Variants in NPAT observed in about 807,000 individuals in gnomAD.
NPAT encodes the protein nuclear protein, coactivator of histone transcription.
In NPAT, 52 loss-of-function variants were observed where a neutral mutation model predicts 130.7. The observed-to-expected ratio is 0.40, with a 90% CI of 0.32 to 0.50. The LOEUF (loss-of-function observed/expected upper bound fraction) is 0.50, where lower values mean the gene tolerates loss of function less well. Among genes scored for constraint, NPAT ranks in the 20% least tolerant of loss-of-function variants. NPAT has a pLI of 0.68. For synonymous variants in NPAT, 580 were observed against 584.8 expected (o/e 0.99, Z 0.12); for missense variants, 1,687 against 1,662.6 (o/e 1.01, Z -0.26).
chr11:108,206,837 C>T (rs2078330219), intron 1 of NPAT, among the ~76,000 whole-genome samples: 1 of 152,222 alleles, frequency 6.6e-6, no homozygotes, highest in African/African-American at 2.4e-5. Flanking sequence ...AGTGACAGAA[C>T]AGCCCTCAGG....
At chr11:108,203,259 T>C (rs768547667) in intron 1 of NPAT, among the ~76,000 whole-genome samples, 2 of 152,204 alleles carry the variant, frequency 1.3e-5, no homozygotes, top group Non-Finnish European at 2.9e-5. Flanking sequence ...TATAACATCT[T>C]TGGCCCATTT....
chr11:108,208,762 G>A (rs548456394), intron 1 of NPAT, among the ~76,000 whole-genome samples: 20 of 152,202 alleles, frequency 1.3e-4, no homozygotes, highest in Middle Eastern at 3.4e-3. Context: ...CTAGGCAGAA[G>A]ATCAATAAAC....
At chr11:108,193,909 A>G (rs1236323990) in intron 3 of NPAT, 48 bp downstream of exon 3, 7 of 1,089,728 alleles carry the variant, frequency 6.4e-6, no homozygotes, top group South Asian at 1.3e-5. Context: ...AATCAAGTAG[A>G]TAAATATTGT....
intron 3 of NPAT, 91 bp from the exon 4 acceptor site, chr11:108,192,281 T>G: frequency 1.2e-6 from 1 of 833,368 alleles, no homozygotes; most frequent in Non-Finnish European, 2.1e-6. Flanking sequence ...ACCTTGTCTC[T>G]CAATTATTGA....
intron 10 of NPAT, among the ~76,000 whole-genome samples, chr11:108,184,298 C>T (rs982508996): frequency 6.6e-6 from 1 of 151,690 alleles, no homozygotes; most frequent in African/African-American, 2.4e-5. Context: ...GGTGAAACCC[C>T]GTCTCTACTA....
rs35095430 is a variant in NPAT at position 108,173,161 on chromosome 11, A to G, written c.1823T>C (p.Val608Ala). The G allele has an allele frequency of 4.1e-3, 6,633 of 1,613,772 alleles. 239 individuals carry two copies. The African/African-American group carries it at 0.076, about 18-fold the overall frequency. Residue 608 changes from valine (V) to alanine (A), a missense_variant, in exon 13 of 18, where the codon GTG (valine) becomes GCG (alanine). Around this residue, in one of 3 missense-constraint regions of NPAT, gnomAD observed 1,379 missense variants for 1,346.6 expected, o/e 1.02. Transcript: ENST00000278612. Reference sequence around the variant, plus strand: ...ATTTAAATGTGAACTTTCAACAGACACAGGTAGTATTTCACTTTGAAGACA... The same window carrying G: ...ATTTAAATGTGAACTTTCAACAGACGCAGGTAGTATTTCACTTTGAAGACA... ...NSCLQSEILP[V>A]SVESSHLNVS...
chr11:108,161,849 T>C lies in NPAT; in HGVS notation c.3237A>G (p.Pro1079=), dbSNP rs2077854138. Residue 1079 remains proline, a synonymous_variant, in exon 17 of 18, where the codon CCA becomes CCG. Coordinates refer to ENST00000278612, the MANE Select transcript of NPAT (RefSeq NM_002519.3). ...TGTTTTGGGACACCATCTTATGGTTTGGCCCCTGCGTATTTGCCACAGGAG... is the reference window on the plus strand; with the variant it reads ...TGTTTTGGGACACCATCTTATGGTTCGGCCCCTGCGTATTTGCCACAGGAG... ...TTAPVANTQG[P]NHKMVSQNKE... is the part of the protein sequence containing the mutation. 1 of 1,614,046 alleles carries C rather than the reference T, an allele frequency of 6.2e-7. No individual in the cohort carries two copies. The highest frequency in any genetic ancestry group is 1.3e-5 in the African/African-American group (1 of 74,930).
rs577721159 is a variant in NPAT, at chr11:108,206,534, C to G, written c.38-9114G>C. On this transcript the variant is annotated intron_variant, in intron 1 of 17. Coordinates refer to ENST00000278612, the MANE Select transcript of NPAT (RefSeq NM_002519.3). ...ACCACAGTGGCTTCCACTGTGGGTACTGGGGAACGTAGTGGCACCCTGAAG... is the reference window on the plus strand; with the variant it reads ...ACCACAGTGGCTTCCACTGTGGGTAGTGGGGAACGTAGTGGCACCCTGAAG... 7.2e-4 allele frequency among the ~76,000 whole-genome samples: 109 copies of G among 152,262 alleles called. 1 individual carries two copies. The highest frequency in any genetic ancestry group is 2.5e-3 in the African/African-American group (103 of 41,552).
intron 10 of NPAT, among the ~76,000 whole-genome samples, chr11:108,184,400 A>G (rs780359947): frequency 6.6e-6 from 1 of 151,458 alleles, no homozygotes; most frequent in African/African-American, 2.4e-5. Context: ...TGAACCTGGG[A>G]GGCAGAGCTT....
intron 15 of NPAT, among the ~76,000 whole-genome samples, chr11:108,162,701 G>C (rs1330027943): frequency 6.6e-6 from 1 of 152,186 alleles, no homozygotes; most frequent in Non-Finnish European, 1.5e-5. Context: ...CAAAAGGCTG[G>C]ATTATAGGCG....
At position 108,218,499 on chromosome 11, in the gene NPAT, C is replaced by T. The variant is rs945712179; in HGVS notation, c.37+4001G>A. Among the ~76,000 whole-genome samples the T allele has an allele frequency of 1.2e-4, 18 of 152,156 alleles. 1 individual carries two copies. Among genetic ancestry groups the T allele is most frequent in the Middle Eastern group, 6.8e-3 (2 of 294 alleles). ...AGCATGCAAATAATTCTTAGGAAGC[C>T]GTACCTTATGTTGTCTTATATTACT... On this transcript the variant is annotated intron_variant, in intron 1 of 17. Transcript: ENST00000278612.
chr11:108,187,532 G>C (rs1165957648), intron 7 of NPAT, among the ~76,000 whole-genome samples: 5 of 152,144 alleles, frequency 3.3e-5, no homozygotes, highest in African/African-American at 9.7e-5. Context: ...GGCTAACTAA[G>C]GTCAGTCTTG....
chr11:108,217,149 AATT>A (rs2078442553), intron 1 of NPAT, among the ~76,000 whole-genome samples: 1 of 152,180 alleles, frequency 6.6e-6, no homozygotes, highest in Admixed American at 6.5e-5. Flanking sequence ...GGTGTGTCTA[AATT>A]ATTACAGTGT....
At chr11:108,171,486 G>GT (rs372887453) in intron 13 of NPAT, 1,639 of 132,130 alleles carry the variant, frequency 0.012, 8 homozygotes, top group South Asian at 0.06. Flanking sequence ...AGAAATTCAA[G>GT]TTTTTTTTTT....
At chr11:108,214,679 CT>C (rs891156120) in intron 1 of NPAT, among the ~76,000 whole-genome samples, 57 of 147,654 alleles carry the variant, frequency 3.9e-4, no homozygotes, top group Non-Finnish European at 7.1e-4. Flanking sequence ...GTCACCTGTG[CT>C]GGAGTGCAAT....
At chr11:108,208,443 C>T (rs1485701522) in intron 1 of NPAT, 4 of 455,830 alleles carry the variant, frequency 8.8e-6, no homozygotes, top group Non-Finnish European at 8.8e-6. Context: ...TAGAAATTAG[C>T]TGGGCTTGGT....
At position 108,190,610 on chromosome 11, in the gene NPAT, ATC is replaced by A. The variant is rs370652163; in HGVS notation, c.291-112_291-111del. ...TTAGTTATGAGGTAAAAGGCAAAAA[ATC>A]TCTCTCAGACAAAAAAGACAAACAC... On this transcript the variant is annotated intron_variant, in intron 4 of 17. Coordinates refer to ENST00000278612, the MANE Select transcript of NPAT (RefSeq NM_002519.3). The A allele has an allele frequency of 2.1e-3, 1,891 of 914,888 alleles. 10 individuals carry two copies. The highest frequency in any genetic ancestry group is 0.016 in the African/African-American group (998 of 60,790). 56.7% of individuals were successfully genotyped at this position (914,888 alleles called of 1,614,324 possible).
At chr11:108,180,121 G>C (rs977976917) in intron 10 of NPAT, among the ~76,000 whole-genome samples, 7 of 152,254 alleles carry the variant, frequency 4.6e-5, no homozygotes, top group African/African-American at 1.7e-4. Flanking sequence ...GAGCCCAGGA[G>C]TTCTAGATCA....
chr11:108,220,963 TTAAGA>T (rs1207451276), intron 1 of NPAT, among the ~76,000 whole-genome samples: 6 of 152,182 alleles, frequency 3.9e-5, no homozygotes, highest in African/African-American at 7.2e-5. Context: ...ACAAAGATTT[TTAAGA>T]TAAGAAAACC....
Sources: gnomAD v4.1 joint callset for allele counts (sites outside exome capture counted in the v4.1 genomes callset) on GRCh38, gnomAD v4.1.1 for gene constraint, gnomAD v4.1.1 regional missense constraint, MANE v1.5 for transcripts, NCBI Gene and HGNC (gene_info 2026-07-23, HGNC 2026-07-21) for gene names.